The following CSGALNACT1 variants were observed in gnomAD, a reference collection of about 807,000 sequenced individuals.
The protein encoded by CSGALNACT1 is beta4GalNAcT-1.
CSGALNACT1 carries 52 observed loss-of-function variants against 51.0 expected under a neutral mutation model. The observed-to-expected ratio is 1.02, with a 90% CI of 0.82 to 1.29. The LOEUF (loss-of-function observed/expected upper bound fraction) is 1.29, where lower values mean the gene tolerates loss of function less well. Among genes scored for constraint, CSGALNACT1 ranks in the 50% most tolerant of loss-of-function variants. The pLI, the probability that CSGALNACT1 is intolerant of heterozygous loss-of-function variation, is 0.00. For synonymous variants in CSGALNACT1, 341 were observed against 254.4 expected (o/e 1.34, Z -3.24); for missense variants, 935 against 679.2 (o/e 1.38, Z -4.19).
chr8:19,450,457 C>T (rs1470575989), intron 5 of CSGALNACT1, among the ~76,000 whole-genome samples: 1 of 152,126 alleles, frequency 6.6e-6, no homozygotes, highest in Non-Finnish European at 1.5e-5. Context: ...CAGGTAGAGA[C>T]TGCAGAGACC....
chr8:19,625,107 C>T (rs1395045032), intron 1 of CSGALNACT1, among the ~76,000 whole-genome samples: 1 of 152,198 alleles, frequency 6.6e-6, no homozygotes, highest in Non-Finnish European at 1.5e-5. Flanking sequence ...GTTCCATTCA[C>T]ATTCCATTGG....
chr8:19,404,215 C>A (rs532321542), exon 10 of CSGALNACT1: 2 of 396,626 alleles, frequency 5.0e-6, no homozygotes, highest in Non-Finnish European at 1.0e-5. Context: ...CCATTCATGG[C>A]CTGTGTTTTA....
At chr8:19,693,963 T>C (rs1274930551) in intron 1 of CSGALNACT1, among the ~76,000 whole-genome samples, 1 of 152,210 alleles carries the variant, frequency 6.6e-6, no homozygotes, top group African/African-American at 2.4e-5. Flanking sequence ...TTTTTTTCTT[T>C]CCATGTCTGG....
At chr8:19,462,111 G>A (rs574025143) in intron 4 of CSGALNACT1, among the ~76,000 whole-genome samples, 91 of 152,290 alleles carry the variant, frequency 6.0e-4, no homozygotes, top group African/African-American at 1.9e-3. Context: ...TGTCACAGGC[G>A]GTGTATCTGC....
intron 1 of CSGALNACT1, among the ~76,000 whole-genome samples, chr8:19,681,811 C>G (rs1430375945): frequency 6.6e-6 from 1 of 152,188 alleles, no homozygotes; most frequent in African/African-American, 2.4e-5. Flanking sequence ...AGGCACTGCT[C>G]ACACCTTCTC....
At chr8:19,713,221 C>T (rs1402330798) in intron 1 of CSGALNACT1, among the ~76,000 whole-genome samples, 2 of 152,088 alleles carry the variant, frequency 1.3e-5, no homozygotes, top group Admixed American at 6.5e-5. Flanking sequence ...GATGGTGAGC[C>T]GCGCTGGGCA....
At chr8:19,695,936 G>A (rs908339068) in intron 1 of CSGALNACT1, among the ~76,000 whole-genome samples, 15 of 152,170 alleles carry the variant, frequency 9.9e-5, no homozygotes, top group Non-Finnish European at 1.8e-4. Context: ...CATGAAAAAC[G>A]ATGGTATTGT....
intron 3 of CSGALNACT1, among the ~76,000 whole-genome samples, chr8:19,583,804 A>T (rs1489889893): frequency 1.3e-5 from 2 of 152,220 alleles, no homozygotes; most frequent in African/African-American, 4.8e-5. Context: ...CAACAAAAAA[A>T]TAATGATTGC....
At chr8:19,603,726 G>C (rs566783398), upstream of CSGALNACT1, among the ~76,000 whole-genome samples, 2 of 152,260 alleles carry the variant, frequency 1.3e-5, no homozygotes, top group East Asian at 3.9e-4. Flanking sequence ...AGATCTGGAG[G>C]CTCCATCACT....
At chr8:19,477,755 T>C (rs924727931) in intron 4 of CSGALNACT1, among the ~76,000 whole-genome samples, 1 of 152,182 alleles carries the variant, frequency 6.6e-6, no homozygotes, top group East Asian at 1.9e-4. Flanking sequence ...CGTAATACAA[T>C]AGCTACCTCA....
In CSGALNACT1 at chr8:19,590,370, G is replaced by T. The variant is rs763661132; in HGVS notation, c.-297+790C>A. Reference sequence around the variant, plus strand: ...CATCATACAGTCAACATTAGATTGAGCTACATTCCTTTTGGCGATATCTTA... The same window carrying T: ...CATCATACAGTCAACATTAGATTGATCTACATTCCTTTTGGCGATATCTTA... On this transcript the variant is annotated intron_variant, in intron 3 of 9. Coordinates refer to ENST00000454498, the Ensembl canonical transcript of CSGALNACT1. Among the ~76,000 whole-genome samples, 8 of 152,168 alleles carry T rather than the reference G, an allele frequency of 5.3e-5. No individual in the cohort carries two copies. In the East Asian group the frequency reaches 1.5e-3, roughly 29 times the overall value.
At position 19,599,447 on chromosome 8, in the gene CSGALNACT1, GA is replaced by G. The variant is rs1410226960; in HGVS notation, c.-416+2323del. On this transcript the variant is annotated intron_variant, in intron 2 of 9. Coordinates refer to ENST00000454498, the Ensembl canonical transcript of CSGALNACT1. ...AAGGAAGGAAAGGAAGAAAGAAAAA[GA>G]AAAAGAAAAGAAAGAAAGAAAGAAA... Among the ~76,000 whole-genome samples, 339 of 88,346 alleles carry G rather than the reference GA, an allele frequency of 3.8e-3. 2 individuals carry two copies. The highest frequency in any genetic ancestry group is 0.014 in the African/African-American group (319 of 22,540). The allele number at this position is 88,346 out of a possible 152,430, so 58.0% of individuals were successfully genotyped here.
chr8:19,716,612 C>CAAAAAA lies in CSGALNACT1; in HGVS notation c.-297+41232_-297+41237dup, dbSNP rs60464594. Among the ~76,000 whole-genome samples the CAAAAAA allele has an allele frequency of 9.1e-3, 380 of 41,922 alleles. 69 individuals are homozygous for CAAAAAA. The highest frequency in any genetic ancestry group is 0.015 in the South Asian group (10 of 654). The allele number at this position is 41,922 out of a possible 152,430, so 27.5% of individuals were successfully genotyped here. ...GGCCAACATGGTAAAACCCTCTCTA[C>CAAAAAA]AAAAAAAAAAAAAAAAAAAAAAAAA... On this transcript the variant is annotated intron_variant, in intron 1 of 1. Coordinates refer to the CSGALNACT1 transcript ENST00000517494.
At chr8:19,722,931 G>T (rs1014568776) in intron 1 of CSGALNACT1, among the ~76,000 whole-genome samples, 4 of 152,194 alleles carry the variant, frequency 2.6e-5, no homozygotes, top group African/African-American at 9.7e-5. Flanking sequence ...AATGTTTTCA[G>T]GGCAACTAGG....
At chr8:19,543,636 A>C (rs1424223165) in intron 3 of CSGALNACT1, among the ~76,000 whole-genome samples, 1 of 152,176 alleles carries the variant, frequency 6.6e-6, no homozygotes, top group Non-Finnish European at 1.5e-5. Flanking sequence ...ATGTGGCTGC[A>C]TGTTTCCCAG....
intron 1 of CSGALNACT1, among the ~76,000 whole-genome samples, chr8:19,661,007 G>A (rs538061565): frequency 8.5e-5 from 13 of 152,218 alleles, no homozygotes; most frequent in African/African-American, 3.1e-4. Flanking sequence ...CTGCCTCCTG[G>A]GTTCAAGCGA....
At chr8:19,708,926 C>A (rs562510592) in intron 1 of CSGALNACT1, among the ~76,000 whole-genome samples, 2 of 152,302 alleles carry the variant, frequency 1.3e-5, no homozygotes, top group South Asian at 4.1e-4. Context: ...TGTGGACTTG[C>A]ACGTGTCATT....
At chr8:19,459,421 G>A (rs1299455363) in intron 4 of CSGALNACT1, among the ~76,000 whole-genome samples, 2 of 142,806 alleles carry the variant, frequency 1.4e-5, no homozygotes, top group African/African-American at 5.1e-5. Context: ...AAGAAGTTAT[G>A]TCCATTTCAG....
At chr8:19,735,175 C>T (rs2063903758) in intron 1 of CSGALNACT1, among the ~76,000 whole-genome samples, 2 of 152,084 alleles carry the variant, frequency 1.3e-5, no homozygotes, top group South Asian at 4.1e-4. Flanking sequence ...GAGATGCTTG[C>T]CCATCTCAGC....
Sources: allele counts gnomAD v4.1 joint callset (sites outside exome capture counted in the v4.1 genomes callset), GRCh38; gene constraint gnomAD v4.1.1; transcripts MANE v1.5; gene names NCBI Gene and HGNC (gene_info 2026-07-23, HGNC 2026-07-21).